WDR35: variants seen among roughly 807,000 people sequenced by gnomAD.
WDR35 encodes the protein WD repeat domain 35.
In WDR35, 118 loss-of-function variants were observed where a neutral mutation model predicts 158.3. The ratio of observed to expected loss-of-function variants is 0.75; its 90% confidence interval spans 0.64 to 0.87. The LOEUF is 0.87. Ranked by LOEUF, WDR35 falls within the 40% of genes least tolerant of loss-of-function variation. WDR35 has a pLI of 0.00. For synonymous variants in WDR35, 448 were observed against 476.1 expected (o/e 0.94, Z 0.77); for missense variants, 1,263 against 1,405.8 (o/e 0.90, Z 1.62).
intron 8 of WDR35, among the ~76,000 whole-genome samples, chr2:19,970,893 A>G (rs1335437334): frequency 1.3e-5 from 2 of 152,160 alleles, no homozygotes; most frequent in Non-Finnish European, 2.9e-5. Flanking sequence ...CCCCCATTCT[A>G]TGGTTCCAGA....
chr2:19,924,141 A>C (rs1392260914), intron 25 of WDR35, among the ~76,000 whole-genome samples: 2 of 152,172 alleles, frequency 1.3e-5, no homozygotes, highest in Non-Finnish European at 2.9e-5. Flanking sequence ...AACAGCTTAG[A>C]GGAGTGTGCA....
intron 26 of WDR35, 72 bp downstream of exon 26, chr2:19,913,965 T>C: frequency 6.2e-7 from 1 of 1,601,828 alleles, no homozygotes; most frequent in Non-Finnish European, 8.5e-7. Context: ...ATTCCTACAT[T>C]AAACATTGTA....
intron 9 of WDR35, among the ~76,000 whole-genome samples, chr2:19,968,891 T>C (rs1454629274): frequency 6.6e-6 from 1 of 152,248 alleles, no homozygotes; most frequent in Non-Finnish European, 1.5e-5. Flanking sequence ...TACCCTGCCG[T>C]GAGCCTTGGA....
chr2:19,974,840 A>G (rs894033490), intron 6 of WDR35, among the ~76,000 whole-genome samples: 73 of 152,226 alleles, frequency 4.8e-4, no homozygotes, highest in African/African-American at 1.7e-3. Context: ...ATGAGGATTA[A>G]AAAACACTGA....
At chr2:19,966,392 T>C (rs183243054) in intron 10 of WDR35, among the ~76,000 whole-genome samples, 5 of 152,376 alleles carry the variant, frequency 3.3e-5, no homozygotes, top group African/African-American at 9.6e-5. Context: ...TCAGCATTTA[T>C]GCATAGTAGA....
At position 19,974,532 on chromosome 2, in the gene WDR35, G is replaced by A; in HGVS notation, c.672C>T (p.Cys224=). Residue 224 remains cysteine (C), a synonymous_variant, in exon 7 of 27, where the codon TGC becomes TGT. Coordinates refer to ENST00000281405, the MANE Select transcript of WDR35 (RefSeq NM_020779.4). ...TATCAAAGCAAACAGCAAGGCAAGG[G>A]CAATCAGGCTCCACGTAGCCTTCTG... The part of the protein sequence containing the change: ...HGTEGYVEPD[C]PCLAVCFDNG... The A allele has an allele frequency of 6.2e-7, 1 of 1,612,570 alleles. No individual in the cohort carries two copies. Among genetic ancestry groups the A allele is most frequent in the Non-Finnish European group, 8.5e-7 (1 of 1,179,136 alleles).
chr2:19,936,813 T>C (rs965877190), intron 19 of WDR35, among the ~76,000 whole-genome samples: 5 of 152,184 alleles, frequency 3.3e-5, no homozygotes, highest in African/African-American at 1.2e-4. Context: ...TTAGACTTCC[T>C]AGTCTCCAGA....
At chr2:19,960,760 G>A in intron 10 of WDR35, 146 bp from the exon 11 acceptor site, 1 of 640,694 alleles carries the variant, frequency 1.6e-6, no homozygotes, top group Non-Finnish European at 2.7e-6. Context: ...AAAAATAGCA[G>A]ACAAAAAGAA....
chr2:19,965,205 G>A (rs556087445), intron 10 of WDR35, among the ~76,000 whole-genome samples: 28 of 152,344 alleles, frequency 1.8e-4, no homozygotes, highest in African/African-American at 6.0e-4. Context: ...TTACAGGTGT[G>A]AGCCATCGCA....
rs543595475 is a variant in WDR35, at chr2:19,916,714, C to G, written c.3122-2437G>C. Among the ~76,000 whole-genome samples the G allele has an allele frequency of 5.9e-5, 9 of 152,352 alleles. No individual in the cohort carries two copies. The East Asian group carries it at 1.7e-3, about 29-fold the overall frequency. Reference sequence around the variant, plus strand: ...TGGGCAGGACACCTCTGAAAAAAAGCCAGCAGCCCCAGTCAGGGACTTATA... The same window carrying G: ...TGGGCAGGACACCTCTGAAAAAAAGGCAGCAGCCCCAGTCAGGGACTTATA... On this transcript the variant is annotated intron_variant, in intron 25 of 26. Coordinates refer to ENST00000281405, the MANE Select transcript of WDR35 (RefSeq NM_020779.4).
chr2:19,990,038 C>A lies in WDR35; in HGVS notation c.-23G>T. On this transcript the variant is annotated 5_prime_UTR_variant, in exon 1 of 27. Coordinates refer to ENST00000281405, the MANE Select transcript of WDR35 (RefSeq NM_020779.4). ...CATCGTGGGATCCCCGAGAGGGTCA[C>A]GGCGGCCGCTAAGGCCCTCGACAAG... The A allele has an allele frequency of 6.2e-7, 1 of 1,613,540 alleles. No homozygotes were observed. The highest frequency in any genetic ancestry group is 8.5e-7 in the Non-Finnish European group (1 of 1,179,758).
Position 19,933,497 on chromosome 2 carries a change from C to T in WDR35, c.2562G>A (p.Met854Ile). The T allele has an allele frequency of 6.2e-7, 1 of 1,613,682 alleles. No individual in the cohort carries two copies. The highest frequency in any genetic ancestry group is 8.5e-7 in the Non-Finnish European group (1 of 1,179,868). The change falls in exon 22 of 27, where the codon ATG (methionine) becomes ATA (isoleucine). Residue 854 changes from methionine (M) to isoleucine (I), a missense_variant. Physicochemically the swap from Met to Ile is conservative, Grantham distance 10 (BLOSUM62 1). Transcript: ENST00000281405. ...NHKLLPEIAQ[M>I]FVRVGMCEQA... ...GTTCACACATTCCAACTCTGACAAACATTTGTGCTATTTCCTGTACAAACA... is the reference window on the plus strand; with the variant it reads ...GTTCACACATTCCAACTCTGACAAATATTTGTGCTATTTCCTGTACAAACA...
intron 26 of WDR35, 103 bp from the exon 27 acceptor site, chr2:19,913,811 T>C (rs532136975): frequency 1.5e-5 from 23 of 1,507,942 alleles, no homozygotes; most frequent in Non-Finnish European, 2.1e-5. Flanking sequence ...ACTTCTGAGA[T>C]GAACATCAAA....
intron 12 of WDR35, among the ~76,000 whole-genome samples, chr2:19,953,201 T>C (rs918163784): frequency 6.6e-6 from 1 of 152,098 alleles, no homozygotes; most frequent in African/African-American, 2.4e-5. Flanking sequence ...GGAGACAATA[T>C]AACTTACAAA....
intron 9 of WDR35, 149 bp from the exon 10 acceptor site, chr2:19,967,058 AAGAC>A (rs1167105522): frequency 1.4e-6 from 1 of 720,852 alleles, no homozygotes; most frequent in African/African-American, 1.8e-5. Flanking sequence ...TCAGAAATAG[AAGAC>A]AGATTCAACC....
chr2:19,946,111 T>C, intron 15 of WDR35, 115 bp from the exon 16 acceptor site: 4 of 1,145,652 alleles, frequency 3.5e-6, no homozygotes, highest in Non-Finnish European at 5.0e-6. Flanking sequence ...AAACCTGGAA[T>C]ACAGTAGAAA....
chr2:19,925,381 C>T (rs1572316746), intron 25 of WDR35, among the ~76,000 whole-genome samples: 1 of 152,154 alleles, frequency 6.6e-6, no homozygotes, highest in Non-Finnish European at 1.5e-5. Context: ...TAAACCAACA[C>T]AATATATTTG....
intron 15 of WDR35, among the ~76,000 whole-genome samples, chr2:19,946,212 A>G (rs536305166): frequency 1.3e-5 from 2 of 152,274 alleles, no homozygotes; most frequent in African/African-American, 4.8e-5. Context: ...CAGAGACAAA[A>G]CCAATTGGTA....
intron 18 of WDR35, 70 bp downstream of exon 18, chr2:19,938,195 C>G: frequency 6.3e-7 from 1 of 1,598,990 alleles, no homozygotes. Flanking sequence ...AGTAGGGGAG[C>G]AGAGGGACAA....
Sources: allele counts gnomAD v4.1 joint callset (sites outside exome capture counted in the v4.1 genomes callset), GRCh38; gene constraint gnomAD v4.1.1; transcripts MANE v1.5; gene names NCBI Gene and HGNC (gene_info 2026-07-23, HGNC 2026-07-21).